ADGRL2: variants seen among roughly 807,000 people sequenced by gnomAD.
ADGRL2 encodes adhesion G protein-coupled receptor L2.
ADGRL2 carries 44 observed loss-of-function variants against 157.4 expected under a neutral mutation model. The ratio of observed to expected loss-of-function variants is 0.28; its 90% CI spans 0.22 to 0.36. The LOEUF is 0.36. Among genes scored for constraint, ADGRL2 ranks in the 10% least tolerant of loss-of-function variants. The pLI, the probability that ADGRL2 is intolerant of heterozygous loss-of-function variation, is 1.00. For missense variants in ADGRL2, 1,510 were observed against 1,768.9 expected (o/e 0.85, Z 2.63); for synonymous variants, 585 against 624.7 (o/e 0.94, Z 0.95).
Position 81,851,734 on chromosome 1 carries a change from T to TTGTGTGTGTGTGTGTGTGTG in ADGRL2, c.73+14687_73+14706dup, listed in dbSNP as rs5775643. Among the ~76,000 whole-genome samples the TTGTGTGTGTGTGTGTGTGTG allele has an allele frequency of 8.9e-5, 13 of 146,414 alleles. No homozygotes were observed. The East Asian group carries it at 1.2e-3, about 14-fold the overall frequency. The stretch of plus-strand genomic sequence containing the variant: ...AATTGTCATAAAATGCCACTTAAAT[T>TTGTGTGTGTGTGTGTGTGTG]TGTGTGTGTGTGTGTGTGTGTGTGT... On this transcript the variant is annotated intron_variant, in intron 2 of 23. Coordinates refer to ENST00000686636, the MANE Select transcript of ADGRL2 (RefSeq NM_001366006.2).
intron 1 of ADGRL2, among the ~76,000 whole-genome samples, chr1:81,813,320 A>G (rs181965805): frequency 9.2e-5 from 14 of 151,838 alleles, no homozygotes; most frequent in Admixed American, 6.6e-4. Flanking sequence ...TATGACAAAA[A>G]TATTTATTTT....
At chr1:81,363,760 A>T (rs1415682871) in intron 1 of ADGRL2, among the ~76,000 whole-genome samples, 2 of 152,158 alleles carry the variant, frequency 1.3e-5, no homozygotes, top group Non-Finnish European at 2.9e-5. Context: ...TTGCCAAGTT[A>T]AAAGATTGCA....
Position 81,950,284 on chromosome 1 carries a change from A to T in ADGRL2, c.1306A>T (p.Thr436Ser), listed in dbSNP as rs1391530909. 6.2e-7 allele frequency: 1 copy of T among 1,614,096 alleles called. No individual in the cohort carries two copies. Among genetic ancestry groups the T allele is most frequent in the Admixed American group, 1.7e-5 (1 of 60,014 alleles). The change falls in exon 7 of 24, where the codon ACA (threonine) becomes TCA (serine). Residue 436 changes from threonine (T) to serine (S), a missense_variant. Coordinates refer to ENST00000686636, the MANE Select transcript of ADGRL2 (RefSeq NM_001366006.2). ...STTSQKGPMS[T>S]TVAGSQEGSK... The stretch of plus-strand genomic sequence containing the variant: ...TACTTCACAGAAAGGCCCCATGAGC[A>T]CAACTGTAGCTGGATCACAGGAAGG...
intron 3 of ADGRL2, among the ~76,000 whole-genome samples, chr1:81,641,019 CT>C (rs1260648886): frequency 6.6e-6 from 1 of 152,188 alleles, no homozygotes; most frequent in Non-Finnish European, 1.5e-5. Context: ...ATTCTTTGTT[CT>C]TTGCTTCTGC....
chr1:81,873,279 G>A (rs1204069331), intron 2 of ADGRL2, among the ~76,000 whole-genome samples: 1 of 152,020 alleles, frequency 6.6e-6, no homozygotes, highest in African/African-American at 2.4e-5. Flanking sequence ...TTAAATCTTT[G>A]TGTGAAAGTG....
chr1:81,798,056 GTAAT>G (rs1412577787), upstream of ADGRL2, among the ~76,000 whole-genome samples: 1 of 152,138 alleles, frequency 6.6e-6, no homozygotes, highest in African/African-American at 2.4e-5. Flanking sequence ...TATAGATTGA[GTAAT>G]TAAATTGATT....
chr1:81,549,295 G>A (rs570497319), intron 2 of ADGRL2, among the ~76,000 whole-genome samples: 1 of 152,238 alleles, frequency 6.6e-6, no homozygotes, highest in Admixed American at 6.5e-5. Context: ...TGAAAATATG[G>A]AAAAGAAACT....
chr1:81,853,609 T>A (rs1043634508), intron 2 of ADGRL2, among the ~76,000 whole-genome samples: 9 of 152,140 alleles, frequency 5.9e-5, no homozygotes, highest in Admixed American at 2.6e-4. Flanking sequence ...GCAACCTATG[T>A]GAATAAGCAG....
intron 11 of ADGRL2, among the ~76,000 whole-genome samples, chr1:81,960,607 T>G (rs1655039896): frequency 5.3e-5 from 8 of 152,030 alleles, no homozygotes; most frequent in Admixed American, 5.2e-4. Flanking sequence ...CCCGAGTAGC[T>G]GGGATTATAG....
chr1:81,330,528 CA>C (rs1453694804), intron 1 of ADGRL2, among the ~76,000 whole-genome samples: 2 of 152,158 alleles, frequency 1.3e-5, no homozygotes, highest in Non-Finnish European at 2.9e-5. Context: ...AAGTATGCTT[CA>C]GGGGCTACTT....
intron 1 of ADGRL2, among the ~76,000 whole-genome samples, chr1:81,833,941 A>G (rs2092120263): frequency 1.3e-5 from 2 of 152,202 alleles, no homozygotes; most frequent in Non-Finnish European, 1.5e-5. Context: ...TTGGTAGACA[A>G]TGGTTTGTGG....
intron 2 of ADGRL2, among the ~76,000 whole-genome samples, chr1:81,549,891 G>C (rs114140683): frequency 6.6e-6 from 1 of 152,060 alleles, no homozygotes; most frequent in East Asian, 1.9e-4. Context: ...ATCCCAAGTA[G>C]ACAGTAATCA....
chr1:81,366,605 C>T (rs994731737), intron 1 of ADGRL2, among the ~76,000 whole-genome samples: 2 of 152,136 alleles, frequency 1.3e-5, no homozygotes, highest in Non-Finnish European at 2.9e-5. Flanking sequence ...TTAAACTCTC[C>T]TGCCCTTGCT....
At chr1:81,514,270 G>C (rs2079132371) in intron 2 of ADGRL2, among the ~76,000 whole-genome samples, 1 of 152,086 alleles carries the variant, frequency 6.6e-6, no homozygotes, top group African/African-American at 2.4e-5. Context: ...TATTGGAGGT[G>C]CCTTGGGGGA....
At chr1:81,693,560 A>G (rs1445369537) in intron 3 of ADGRL2, among the ~76,000 whole-genome samples, 1 of 152,182 alleles carries the variant, frequency 6.6e-6, no homozygotes, top group East Asian at 1.9e-4. Context: ...TTTTGGAGAG[A>G]ATGGCATCGA....
intron 2 of ADGRL2, among the ~76,000 whole-genome samples, chr1:81,471,729 TACTTA>T (rs1159695200): frequency 1.3e-5 from 2 of 152,186 alleles, no homozygotes; most frequent in Non-Finnish European, 2.9e-5. Context: ...TTTCTGCAGG[TACTTA>T]ACTTGTGGAA....
chr1:81,519,847 C>G (rs1250397150), intron 2 of ADGRL2, among the ~76,000 whole-genome samples: 3 of 152,070 alleles, frequency 2.0e-5, no homozygotes, highest in Admixed American at 1.3e-4. Context: ...GTACCCAGCC[C>G]CAGAAGATAA....
At chr1:81,580,317 A>G (rs1359913508) in intron 2 of ADGRL2, among the ~76,000 whole-genome samples, 2 of 151,854 alleles carry the variant, frequency 1.3e-5, no homozygotes, top group East Asian at 3.9e-4. Flanking sequence ...GCTGATTTAC[A>G]TTGTATTGAT....
chr1:81,935,525 T>G (rs966407887), intron 3 of ADGRL2, among the ~76,000 whole-genome samples: 7 of 152,052 alleles, frequency 4.6e-5, no homozygotes, highest in African/African-American at 1.7e-4. Context: ...TTTAACATGA[T>G]TCACCTTCTA....
Sources: allele counts gnomAD v4.1 joint callset (sites outside exome capture counted in the v4.1 genomes callset), GRCh38; gene constraint gnomAD v4.1.1; transcripts MANE v1.5; gene names NCBI Gene and HGNC (gene_info 2026-07-23, HGNC 2026-07-21).